FBXL20: variants seen among roughly 807,000 people sequenced by gnomAD.
FBXL20 encodes F-box/LRR-repeat protein 20.
Under a neutral mutation model 64.0 loss-of-function variants are expected in FBXL20, and 11 were observed. The ratio of observed to expected loss-of-function variants is 0.17; its 90% CI spans 0.11 to 0.28. The LOEUF (loss-of-function observed/expected upper bound fraction) is 0.28. Among genes scored for constraint, FBXL20 ranks in the 10% least tolerant of loss-of-function variants. The probability of loss-of-function intolerance (pLI) is 1.00; values close to 1 mark genes in which losing one functional copy is unlikely to be tolerated. For synonymous variants in FBXL20, 184 were observed against 189.0 expected (o/e 0.97, Z 0.22); for missense variants, 303 against 526.2 (o/e 0.58, Z 4.15).
At chr17:39,289,447 CAG>C in intron 6 of FBXL20, among the ~76,000 whole-genome samples, 1 of 152,092 alleles carries the variant, frequency 6.6e-6, no homozygotes, top group East Asian at 1.9e-4. Context: ...TGCTGGAGCC[CAG>C]AGTTTGAGAC....
In FBXL20 at chr17:39,357,895, G is replaced by A. The variant is rs367726220; in HGVS notation, c.43-14654C>T. 1.1e-4 allele frequency among the ~76,000 whole-genome samples: 17 copies of A among 152,110 alleles called. No individual in the cohort carries two copies. The East Asian group carries it at 3.3e-3, about 29-fold the overall frequency. ...CTGCTAACAAATTCTCTCAGTATTT[G>A]CTTATCTGGAAACGTTTTTATTTTG... On this transcript the variant is annotated intron_variant, in intron 1 of 14. Coordinates refer to ENST00000264658, the MANE Select transcript of FBXL20 (RefSeq NM_032875.3).
At chr17:39,308,719 C>T (rs2047205533) in intron 2 of FBXL20, among the ~76,000 whole-genome samples, 1 of 151,976 alleles carries the variant, frequency 6.6e-6, no homozygotes, top group Admixed American at 6.6e-5. Context: ...CGCCGAACCA[C>T]CACGCCCGGC....
intron 5 of FBXL20, among the ~76,000 whole-genome samples, chr17:39,298,195 G>A (rs2144438119): frequency 6.6e-6 from 1 of 152,230 alleles, no homozygotes; most frequent in South Asian, 2.1e-4. Flanking sequence ...GCTCACTGTA[G>A]CCTCAACCTC....
At chr17:39,401,672 G>C, upstream of FBXL20, 1 of 1,237,638 alleles carries the variant, frequency 8.1e-7, no homozygotes, top group Non-Finnish European at 1.0e-6. Context: ...CCACCTGCCA[G>C]CAACGCCGCT....
At chr17:39,283,734 T>G (rs1352389941) in intron 7 of FBXL20, among the ~76,000 whole-genome samples, 4 of 152,346 alleles carry the variant, frequency 2.6e-5, no homozygotes, top group Admixed American at 1.3e-4. Context: ...TTAGGATATC[T>G]TATGTCCGAT....
intron 1 of FBXL20, among the ~76,000 whole-genome samples, chr17:39,379,028 G>C (rs1246376822): frequency 6.6e-6 from 1 of 150,480 alleles, no homozygotes; most frequent in Admixed American, 6.6e-5. Context: ...GGGAGTTCAA[G>C]ACCAGCCTAA....
chr17:39,299,867 G>A (rs2047119407), intron 4 of FBXL20, among the ~76,000 whole-genome samples: 1 of 152,076 alleles, frequency 6.6e-6, no homozygotes, highest in Non-Finnish European at 1.5e-5. Context: ...GGAGGCTGAG[G>A]CAGGCAATCA....
At chr17:39,334,063 G>C (rs1215190479) in intron 2 of FBXL20, among the ~76,000 whole-genome samples, 1 of 152,222 alleles carries the variant, frequency 6.6e-6, no homozygotes, top group East Asian at 1.9e-4. Flanking sequence ...AGAGAGATCA[G>C]ATTGTTGCTG....
At chr17:39,351,146 C>T (rs1356348231) in intron 1 of FBXL20, among the ~76,000 whole-genome samples, 1 of 151,996 alleles carries the variant, frequency 6.6e-6, no homozygotes, top group Non-Finnish European at 1.5e-5. Context: ...ATCAGCCTGG[C>T]TAACATGGTG....
At position 39,281,375 on chromosome 17, in the gene FBXL20, G is replaced by C. The variant is rs1391144857; in HGVS notation, c.696+14C>G. ...AATTACTAAAACAGAAGAGTTGTGA[G>C]AAGGGATGTTTACCAAGCAAGTCTG... On this transcript the variant is annotated intron_variant, in intron 9 of 14. Coordinates refer to ENST00000264658, the MANE Select transcript of FBXL20 (RefSeq NM_032875.3). The C allele has an allele frequency of 6.2e-7, 1 of 1,612,472 alleles. No individual in the cohort carries two copies. Among genetic ancestry groups the C allele is most frequent in the Middle Eastern group, 1.7e-4 (1 of 6,058 alleles).
chr17:39,278,505 T>C (rs1455387487), intron 9 of FBXL20, among the ~76,000 whole-genome samples: 1 of 151,956 alleles, frequency 6.6e-6, no homozygotes, highest in African/African-American at 2.4e-5. Flanking sequence ...GATTTCATGT[T>C]TACAATAACT....
At chr17:39,307,069 T>C (rs2047189958) in intron 2 of FBXL20, among the ~76,000 whole-genome samples, 1 of 152,158 alleles carries the variant, frequency 6.6e-6, no homozygotes, top group Admixed American at 6.6e-5. Flanking sequence ...GTTAAAATGA[T>C]GAGCAGTATC....
At chr17:39,309,838 A>AAAG (rs776540817) in intron 2 of FBXL20, among the ~76,000 whole-genome samples, 3 of 151,566 alleles carry the variant, frequency 2.0e-5, no homozygotes, top group Non-Finnish European at 2.9e-5. Flanking sequence ...GAAAGAAAAA[A>AAAG]AAGAAGAAGA....
chr17:39,395,572 A>T (rs1436870315), intron 1 of FBXL20, among the ~76,000 whole-genome samples: 1 of 152,234 alleles, frequency 6.6e-6, no homozygotes, highest in African/African-American at 2.4e-5. Flanking sequence ...AATTGTTTTC[A>T]AACCAGTTGC....
chr17:39,315,752 G>A (rs1427446653), intron 2 of FBXL20, among the ~76,000 whole-genome samples: 1 of 151,530 alleles, frequency 6.6e-6, no homozygotes, highest in African/African-American at 2.4e-5. Flanking sequence ...TGCAACAGGA[G>A]GAAGGTGGCA....
intron 2 of FBXL20, among the ~76,000 whole-genome samples, chr17:39,335,755 C>T (rs566589849): frequency 1.3e-5 from 2 of 152,244 alleles, no homozygotes; most frequent in South Asian, 4.1e-4. Flanking sequence ...ATCTTGCTAA[C>T]TGAATTTCAC....
At position 39,343,161 on chromosome 17, in the gene FBXL20, A is replaced by G; in HGVS notation, c.104+19T>C. 6.4e-7 allele frequency: 1 copy of G among 1,569,456 alleles called. No individual in the cohort carries two copies. The highest frequency in any genetic ancestry group is 2.3e-5 in the East Asian group (1 of 44,150). On this transcript the variant is annotated intron_variant, in intron 2 of 14. Transcript: ENST00000264658. Reference sequence around the variant, plus strand: ...GACATACACATAAAAAAACCCATAAAATTAGCATTCAGACTTACCGTAACA... The same window carrying G: ...GACATACACATAAAAAAACCCATAAGATTAGCATTCAGACTTACCGTAACA...
intron 6 of FBXL20, among the ~76,000 whole-genome samples, chr17:39,290,031 CTA>C (rs1398095078): frequency 8.2e-6 from 1 of 122,366 alleles, no homozygotes; most frequent in Admixed American, 8.5e-5. Context: ...AAAAAAAATT[CTA>C]TGTTTATTTC....
intron 4 of FBXL20, among the ~76,000 whole-genome samples, chr17:39,299,519 C>T (rs1432296319): frequency 2.0e-5 from 3 of 152,174 alleles, no homozygotes; most frequent in Admixed American, 6.5e-5. Context: ...CGGTGGCCCA[C>T]GCCTGTAATC....
Sources: allele counts gnomAD v4.1 joint callset (sites outside exome capture counted in the v4.1 genomes callset), GRCh38; gene constraint gnomAD v4.1.1; transcripts MANE v1.5; gene names NCBI Gene and HGNC (gene_info 2026-07-23, HGNC 2026-07-21).